Variants in PRH1 observed in about 807,000 individuals in gnomAD.
PRH1 encodes the protein salivary acidic proline-rich phosphoprotein 1/2.
In PRH1, 7 loss-of-function variants were observed where a neutral mutation model predicts 7.9. That is an observed-to-expected ratio of 0.89 (90% CI 0.50 to 1.67). The LOEUF (loss-of-function observed/expected upper bound fraction) is 1.67, where lower values mean the gene tolerates loss of function less well. Among genes scored for constraint, PRH1 ranks in the 40% most tolerant of loss-of-function variants. The pLI is 0.00. For synonymous variants in PRH1, 45 were observed against 80.8 expected (o/e 0.56, Z 2.38); for missense variants, 109 against 223.6 (o/e 0.49, Z 3.27).
At chr12:10,933,392 T>C (rs185613386) in intron 2 of PRH1, among the ~76,000 whole-genome samples, 1 of 152,136 alleles carries the variant, frequency 6.6e-6, no homozygotes, top group Non-Finnish European at 1.5e-5. Flanking sequence ...TGCTGATTTA[T>C]ACAAAATGCT....
At chr12:11,041,180 C>CAA (rs71434168) in intron 1 of PRH1, among the ~76,000 whole-genome samples, 8 of 142,250 alleles carry the variant, frequency 5.6e-5, no homozygotes, top group Non-Finnish European at 9.1e-5. Context: ...AAAAACAAAA[C>CAA]AAAAAAAAAC....
At chr12:10,907,617 A>G (rs925034432) in intron 2 of PRH1, among the ~76,000 whole-genome samples, 1 of 152,088 alleles carries the variant, frequency 6.6e-6, no homozygotes, top group Non-Finnish European at 1.5e-5. Flanking sequence ...TGTTACCAAA[A>G]GCAGATAAGT....
chr12:10,925,472 A>G (rs1212543055), intron 2 of PRH1, among the ~76,000 whole-genome samples: 2 of 152,218 alleles, frequency 1.3e-5, no homozygotes, highest in East Asian at 1.9e-4. Flanking sequence ...AGTTTTGCCA[A>G]TGCTAATATG....
In PRH1 at chr12:10,903,125, T is replaced by G. The variant is rs556965936; in HGVS notation, c.-58-18850A>C. Among the ~76,000 whole-genome samples the G allele has an allele frequency of 2.6e-5, 4 of 152,250 alleles. No individual in the cohort carries two copies. In the South Asian group the frequency reaches 8.3e-4, roughly 32 times the overall value. On this transcript the variant is annotated intron_variant, in intron 2 of 3. Coordinates refer to the PRH1 transcript ENST00000539853. ...GTCTTCAAGAGACCCATCTCACATG[T>G]AATGTTACTGTTAGGCTCAAAGTAA... is the stretch of plus-strand genomic sequence containing the variant.
intron 1 of PRH1, among the ~76,000 whole-genome samples, chr12:10,988,274 T>G (rs557569430): frequency 6.6e-6 from 1 of 152,226 alleles, no homozygotes; most frequent in Admixed American, 6.5e-5. Context: ...ACAGCTACTA[T>G]GCTACACCAA....
chr12:11,005,889 G>A (rs149572924), intron 1 of PRH1: 26 of 152,022 alleles, frequency 1.7e-4, no homozygotes, highest in African/African-American at 5.1e-4. Context: ...AATATTCCTT[G>A]GGCACTTATT....
At chr12:11,077,852 C>A in intron 1 of PRH1, 1 of 1,012,748 alleles carries the variant, frequency 9.9e-7, no homozygotes, top group Non-Finnish European at 1.5e-6. Context: ...AACAGTATCA[C>A]CAGAACAACA....
At chr12:11,121,344 T>C (rs180836601) in intron 1 of PRH1, among the ~76,000 whole-genome samples, 2 of 152,332 alleles carry the variant, frequency 1.3e-5, no homozygotes, top group East Asian at 1.9e-4. Flanking sequence ...TTATGATCCA[T>C]AGTTTCTATA....
chr12:10,936,652 T>G (rs1251531642), intron 2 of PRH1, among the ~76,000 whole-genome samples: 1 of 152,210 alleles, frequency 6.6e-6, no homozygotes, highest in Non-Finnish European at 1.5e-5. Flanking sequence ...ACTTTCCATA[T>G]TCTAGAATGG....
At chr12:10,921,565 T>C (rs150902572) in intron 2 of PRH1, among the ~76,000 whole-genome samples, 5 of 152,330 alleles carry the variant, frequency 3.3e-5, no homozygotes, top group African/African-American at 1.2e-4. Flanking sequence ...AATTTCCTAA[T>C]CTTTAAAAGA....
chr12:10,954,522 C>G (rs1937856728), intron 2 of PRH1, among the ~76,000 whole-genome samples: 1 of 152,108 alleles, frequency 6.6e-6, no homozygotes, highest in Non-Finnish European at 1.5e-5. Flanking sequence ...GGCCATAGTG[C>G]AGTGGCGCAA....
Position 11,081,775 on chromosome 12 carries a change from A to G in PRH1, n.124-34587T>C, listed in dbSNP as rs1283434653. Among the ~76,000 whole-genome samples the G allele has an allele frequency of 1.8e-3, 174 of 96,508 alleles. 1 individual carries two copies. The highest frequency in any genetic ancestry group is 4.5e-3 in the Middle Eastern group (1 of 222). The allele number at this position is 96,508 out of a possible 152,430, so 63.3% of individuals were successfully genotyped here. ...TGTAGAAATGGGGCTCTGTGCCTTTAAATTTCATCATTACCTAAGTGAAAT... is the reference window on the plus strand; with the variant it reads ...TGTAGAAATGGGGCTCTGTGCCTTTGAATTTCATCATTACCTAAGTGAAAT... On this transcript the variant is annotated intron_variant and non_coding_transcript_variant, in intron 1 of 4. Coordinates refer to the PRH1 transcript ENST00000541977.
At chr12:10,897,821 T>G (rs555670333) in intron 2 of PRH1, among the ~76,000 whole-genome samples, 1 of 152,076 alleles carries the variant, frequency 6.6e-6, no homozygotes, top group South Asian at 2.1e-4. Flanking sequence ...TCCAATCACC[T>G]CCCACCAGGC....
intron 1 of PRH1, among the ~76,000 whole-genome samples, chr12:11,089,323 G>C (rs146071919): frequency 0.025 from 2,955 of 115,924 alleles, 871 homozygotes; most frequent in South Asian, 0.039. Flanking sequence ...TGACCAATAA[G>C]AAATAGAAGA....
intron 1 of PRH1, among the ~76,000 whole-genome samples, chr12:11,044,898 G>C (rs1942849546): frequency 6.6e-6 from 1 of 152,116 alleles, no homozygotes; most frequent in African/African-American, 2.4e-5. Flanking sequence ...ACCATTGAAA[G>C]TTTTCTTAAA....
intron 2 of PRH1, chr12:10,939,247 G>A: frequency 8.3e-7 from 1 of 1,209,446 alleles, no homozygotes; most frequent in Non-Finnish European, 1.2e-6. Flanking sequence ...TATCACTGCT[G>A]AAGACTTCTT....
intron 2 of PRH1, chr12:10,938,563 A>G: frequency 6.2e-7 from 1 of 1,613,990 alleles, no homozygotes; most frequent in Non-Finnish European, 8.5e-7. Flanking sequence ...ATATTTTGAC[A>G]GTGTGCTGCA....
At chr12:11,024,804 T>C (rs1941828001) in intron 1 of PRH1, among the ~76,000 whole-genome samples, 1 of 152,276 alleles carries the variant, frequency 6.6e-6, no homozygotes, top group South Asian at 2.1e-4. Context: ...GGGTGTAGAA[T>C]TACAGGGTCC....
intron 1 of PRH1, among the ~76,000 whole-genome samples, chr12:11,101,607 C>A (rs1312343056): frequency 1.3e-5 from 2 of 152,130 alleles, no homozygotes; most frequent in African/African-American, 4.8e-5. Context: ...TGCTGCATCA[C>A]CCTAATTTTA....
Sources: allele counts gnomAD v4.1 joint callset (sites outside exome capture counted in the v4.1 genomes callset), GRCh38; gene constraint gnomAD v4.1.1; transcripts MANE v1.5; gene names NCBI Gene and HGNC (gene_info 2026-07-23, HGNC 2026-07-21).